The following RBFOX1 variants were observed in gnomAD, a reference collection of about 807,000 sequenced individuals.
The protein encoded by RBFOX1 is RNA binding protein fox-1 homolog 1.
Under a neutral mutation model 57.7 loss-of-function variants are expected in RBFOX1, and 8 were observed. The ratio of observed to expected loss-of-function variants is 0.14; its 90% confidence interval spans 0.08 to 0.25. The LOEUF (loss-of-function observed/expected upper bound fraction) is 0.25, where lower values mean the gene tolerates loss of function less well. Ranked by LOEUF, RBFOX1 falls within the 10% of genes least tolerant of loss-of-function variation. The pLI, the probability that RBFOX1 is intolerant of heterozygous loss-of-function variation, is 1.00. For missense variants in RBFOX1, 611 were observed against 548.5 expected, an observed-to-expected ratio of 1.11 and a Z score of -1.14; for synonymous variants, 326 against 222.4, an observed-to-expected ratio of 1.47 and a Z score of -4.15.
At position 7,653,842 on chromosome 16, in the gene RBFOX1, C is replaced by G. The variant is rs751724572; in HGVS notation, c.785C>G (p.Thr262Ser). The G allele has an allele frequency of 1.2e-6, 2 of 1,607,100 alleles. No individual in the cohort carries two copies. The highest frequency in any genetic ancestry group is 1.7e-5 in the Admixed American group (1 of 59,978). The stretch of plus-strand genomic sequence containing the variant: ...CCAGGCTTCCCGTATCCAGCAGCCA[C>G]CGCCGCGGCCGCCTACCGAGGGGCG... The part of the protein sequence containing the change: ...AMPGFPYPAA[T>S]AAAAYRGAHL... The change falls in exon 12 of 16, where the codon ACC (threonine) becomes AGC (serine). Residue 262 changes from threonine to serine, a missense_variant. Physicochemically the swap from Thr to Ser is moderately conservative, Grantham distance 58. This residue lies in a region of RBFOX1 where 267 missense variants were observed against 229.1 expected (regional missense o/e 1.17). Coordinates refer to ENST00000550418, the MANE Select transcript of RBFOX1 (RefSeq NM_018723.4).
At chr16:6,340,799 T>C (rs1022240957) in intron 2 of RBFOX1, among the ~76,000 whole-genome samples, 1 of 152,200 alleles carries the variant, frequency 6.6e-6, no homozygotes, top group African/African-American at 2.4e-5. Flanking sequence ...GCCCAGTAGG[T>C]CTTAGCCTCC....
intron 3 of RBFOX1, among the ~76,000 whole-genome samples, chr16:7,044,864 C>G (rs949218040): frequency 7.9e-5 from 12 of 152,134 alleles, no homozygotes; most frequent in Admixed American, 7.2e-4. Context: ...TCCCCTCTCC[C>G]CACCCGGAGC....
At chr16:5,836,680 G>A (rs1241229242) in intron 3 of RBFOX1, among the ~76,000 whole-genome samples, 1 of 152,116 alleles carries the variant, frequency 6.6e-6, no homozygotes, top group Admixed American at 6.5e-5. Context: ...TGTTGCGGGG[G>A]AGCTGTCCTG....
intron 4 of RBFOX1, among the ~76,000 whole-genome samples, chr16:7,075,695 C>G (rs1032991751): frequency 6.6e-6 from 1 of 152,172 alleles, no homozygotes; most frequent in African/African-American, 2.4e-5. Flanking sequence ...ATTCTCCTGC[C>G]TCAGTCTCCC....
intron 2 of RBFOX1, among the ~76,000 whole-genome samples, chr16:6,502,333 T>C (rs1413361547): frequency 1.3e-5 from 2 of 152,198 alleles, no homozygotes; most frequent in Non-Finnish European, 2.9e-5. Flanking sequence ...ACTTCAGCTC[T>C]GTGACGTTCC....
chr16:7,583,293 A>G (rs1206763430), intron 6 of RBFOX1, among the ~76,000 whole-genome samples: 1 of 152,084 alleles, frequency 6.6e-6, no homozygotes, highest in Non-Finnish European at 1.5e-5. Flanking sequence ...TGGCATTGAT[A>G]TTAAATGGTT....
At chr16:7,331,092 T>C (rs540444269) in intron 4 of RBFOX1, among the ~76,000 whole-genome samples, 4 of 152,164 alleles carry the variant, frequency 2.6e-5, no homozygotes, top group African/African-American at 9.7e-5. Context: ...CCTTAAATAA[T>C]TGAATTCTCT....
At chr16:6,842,668 T>C (rs774564111) in intron 3 of RBFOX1, among the ~76,000 whole-genome samples, 16 of 141,264 alleles carry the variant, frequency 1.1e-4, no homozygotes, top group African/African-American at 4.3e-4. Flanking sequence ...TTTTTTTTAA[T>C]TTTACTTCAA....
At chr16:6,877,475 C>A (rs112304672) in intron 3 of RBFOX1, among the ~76,000 whole-genome samples, 4 of 152,150 alleles carry the variant, frequency 2.6e-5, no homozygotes, top group African/African-American at 9.7e-5. Context: ...TGCTTGATAT[C>A]AGACCATAAA....
At chr16:6,397,657 T>G (rs1478393016) in intron 2 of RBFOX1, among the ~76,000 whole-genome samples, 1 of 152,190 alleles carries the variant, frequency 6.6e-6, no homozygotes, top group Non-Finnish European at 1.5e-5. Context: ...AATGCTTCTT[T>G]GAAAATATAT....
At chr16:7,697,285 C>A (rs1421724755) in intron 14 of RBFOX1, among the ~76,000 whole-genome samples, 1 of 152,108 alleles carries the variant, frequency 6.6e-6, no homozygotes, top group Admixed American at 6.5e-5. Context: ...GACATACTGG[C>A]AGATTAGAAG....
chr16:6,539,461 T>C (rs1458746450), intron 2 of RBFOX1, among the ~76,000 whole-genome samples: 3 of 152,154 alleles, frequency 2.0e-5, no homozygotes, highest in Non-Finnish European at 2.9e-5. Flanking sequence ...GTTTTTACTC[T>C]ATTACATAGT....
chr16:6,948,375 C>CTTTTTTTTTTTTTTTTTTTTTTTT (rs968186299), intron 3 of RBFOX1, among the ~76,000 whole-genome samples: 1 of 67,964 alleles, frequency 1.5e-5, no homozygotes, highest in Non-Finnish European at 2.8e-5. Flanking sequence ...TTCTCCCTTT[C>CTTTTTTTTTTTTTTTTTTTTTTTT]TTTTTTTTTT....
At chr16:7,579,175 C>T (rs563119717) in intron 5 of RBFOX1, among the ~76,000 whole-genome samples, 1 of 152,136 alleles carries the variant, frequency 6.6e-6, no homozygotes, top group South Asian at 2.1e-4. Flanking sequence ...TAGTGGACAG[C>T]AAAAGTTTGT....
chr16:6,838,501 T>A (rs978748672), intron 3 of RBFOX1, among the ~76,000 whole-genome samples: 1 of 152,182 alleles, frequency 6.6e-6, no homozygotes. Flanking sequence ...TGCATGCAAT[T>A]AAAAGTGGGT....
At chr16:6,984,759 G>A (rs2089849718) in intron 3 of RBFOX1, among the ~76,000 whole-genome samples, 2 of 152,064 alleles carry the variant, frequency 1.3e-5, no homozygotes, top group South Asian at 4.1e-4. Context: ...TCCTGCCTCA[G>A]CCTCCTGAGT....
chr16:6,163,580 A>T (rs1029340990), intron 1 of RBFOX1, among the ~76,000 whole-genome samples: 2 of 152,124 alleles, frequency 1.3e-5, no homozygotes, highest in African/African-American at 4.8e-5. Flanking sequence ...TTTTCATGCA[A>T]ATGTTGGGTG....
At chr16:7,571,105 T>C (rs1275564980) in intron 5 of RBFOX1, among the ~76,000 whole-genome samples, 1 of 152,044 alleles carries the variant, frequency 6.6e-6, no homozygotes, top group Non-Finnish European at 1.5e-5. Context: ...TCAGGATAAA[T>C]AGCTAATGCA....
intron 3 of RBFOX1, among the ~76,000 whole-genome samples, chr16:7,043,684 T>C (rs2046931846): frequency 6.6e-6 from 1 of 152,212 alleles, no homozygotes; most frequent in African/African-American, 2.4e-5. Context: ...CATTCTATTA[T>C]TGTGGACATG....
Sources: allele counts gnomAD v4.1 joint callset (sites outside exome capture counted in the v4.1 genomes callset), GRCh38; gene constraint gnomAD v4.1.1; regional missense constraint gnomAD v4.1.1; transcripts MANE v1.5; gene names NCBI Gene and HGNC (gene_info 2026-07-23, HGNC 2026-07-21).